ZNF346: variants seen among roughly 807,000 people sequenced by gnomAD.
ZNF346 encodes the protein double-stranded RNA-binding zinc finger protein JAZ.
In ZNF346, 23 loss-of-function variants were observed where a neutral mutation model predicts 33.7. The observed-to-expected ratio is 0.68, with a 90% CI of 0.49 to 0.97. The LOEUF (loss-of-function observed/expected upper bound fraction) is 0.97. Ranked by LOEUF, ZNF346 falls within the 50% of genes least tolerant of loss-of-function variation. The probability of loss-of-function intolerance (pLI) is 0.00; values close to 1 mark genes in which losing one functional copy is unlikely to be tolerated. For synonymous variants in ZNF346, 134 were observed against 142.4 expected (o/e 0.94, Z 0.42); for missense variants, 340 against 371.1 (o/e 0.92, Z 0.69).
intron 5 of ZNF346, among the ~76,000 whole-genome samples, chr5:177,054,109 T>C (rs1781351857): frequency 1.3e-5 from 2 of 151,816 alleles, no homozygotes; most frequent in African/African-American, 4.8e-5. Flanking sequence ...GGGTCTTCTC[T>C]GTCACACAGG....
exon 9 of ZNF346, chr5:177,079,730 C>T (rs6896535): frequency 0.13 from 19,546 of 152,236 alleles, 2,951 homozygotes; most frequent in African/African-American, 0.37. Flanking sequence ...GTTTACTTCC[C>T]GCTTCCCTGG....
chr5:177,074,249 A>G (rs1200545743), intron 8 of ZNF346, among the ~76,000 whole-genome samples: 3 of 152,332 alleles, frequency 2.0e-5, no homozygotes, highest in East Asian at 3.9e-4. Flanking sequence ...CCTTCTTCCT[A>G]TAATAAGCTT....
At chr5:177,039,975 TC>T (rs1400130052) in intron 1 of ZNF346, among the ~76,000 whole-genome samples, 1 of 151,834 alleles carries the variant, frequency 6.6e-6, no homozygotes, top group Non-Finnish European at 1.5e-5. Context: ...GGTCAGGAGA[TC>T]GAGACCATCC....
chr5:177,023,332 CCA>C (rs1776168373), intron 1 of ZNF346: 1 of 899,862 alleles, frequency 1.1e-6, no homozygotes, highest in South Asian at 1.4e-5. Flanking sequence ...CTCTCAAGCC[CCA>C]CACTTCCGAG....
At chr5:177,076,562 A>G (rs244715) in intron 8 of ZNF346, among the ~76,000 whole-genome samples, 88,864 of 151,842 alleles carry the variant, frequency 0.59, 26,357 homozygotes, top group Admixed American at 0.66. Context: ...CCTTTACCCC[A>G]ACGTTTCCTC....
intron 5 of ZNF346, among the ~76,000 whole-genome samples, chr5:177,054,693 C>T (rs1781435093): frequency 6.6e-6 from 1 of 152,176 alleles, no homozygotes; most frequent in Admixed American, 6.5e-5. Flanking sequence ...GCCCCCGTGC[C>T]TGGCCGGCAT....
chr5:177,054,688 C>T (rs1005148211), intron 5 of ZNF346, among the ~76,000 whole-genome samples: 10 of 152,108 alleles, frequency 6.6e-5, no homozygotes, highest in East Asian at 3.9e-4. Context: ...CGTGAGCCCC[C>T]GTGCCTGGCC....
At chr5:177,025,310 T>A (rs944280257) in intron 1 of ZNF346, among the ~76,000 whole-genome samples, 9 of 152,200 alleles carry the variant, frequency 5.9e-5, no homozygotes, top group Non-Finnish European at 1.2e-4. Flanking sequence ...CATTCATTAG[T>A]TCTAGACATT....
Position 177,067,736 on chromosome 5 carries a change from A to G in ZNF346, c.*3137A>G, listed in dbSNP as rs1199173700. Among the ~76,000 whole-genome samples the G allele has an allele frequency of 6.6e-6, 1 of 152,230 alleles. No homozygotes were observed. Among genetic ancestry groups the G allele is most frequent in the Non-Finnish European group, 1.5e-5 (1 of 68,046 alleles). ...TGCAGGAGCTGACTCAGCCAAGGGC[A>G]TGAAAAAGCTGGAGAGGTTGGAAAG... On this transcript the variant is annotated 3_prime_UTR_variant, in exon 7 of 7. Transcript: ENST00000358149.
downstream of ZNF346, among the ~76,000 whole-genome samples, chr5:177,068,789 G>A (rs1304622271): frequency 7.7e-5 from 11 of 142,708 alleles, 1 homozygote; most frequent in Non-Finnish European, 1.0e-4. Context: ...GATGCAGGGG[G>A]AGGGGGACAA....
intron 8 of ZNF346, among the ~76,000 whole-genome samples, chr5:177,076,190 T>C (rs1783737139): frequency 6.6e-6 from 1 of 152,260 alleles, no homozygotes; most frequent in Non-Finnish European, 1.5e-5. Context: ...ATACATTACA[T>C]TGCAGCTTCA....
chr5:177,073,714 G>C (rs1274204002), intron 8 of ZNF346, among the ~76,000 whole-genome samples: 8 of 150,466 alleles, frequency 5.3e-5, no homozygotes, highest in South Asian at 2.1e-4. Context: ...GCGAGTTGTG[G>C]AACACAGTTG....
chr5:177,052,709 T>C (rs984622111), intron 5 of ZNF346: 2 of 152,216 alleles, frequency 1.3e-5, no homozygotes, highest in Non-Finnish European at 2.9e-5. Context: ...GTTGTGGTTA[T>C]GTTAAGGAGA....
chr5:177,061,218 G>A (rs1177495891), intron 5 of ZNF346, among the ~76,000 whole-genome samples: 2 of 152,174 alleles, frequency 1.3e-5, no homozygotes, highest in South Asian at 2.1e-4. Context: ...AGGCCTAGAC[G>A]GATGGATCAT....
intron 5 of ZNF346, among the ~76,000 whole-genome samples, chr5:177,055,164 G>A (rs1562017729): frequency 6.6e-6 from 1 of 151,438 alleles, no homozygotes; most frequent in African/African-American, 2.4e-5. Flanking sequence ...CTCCTGAGTA[G>A]CTGGGATTAT....
chr5:177,028,460 A>T (rs1777139841), intron 1 of ZNF346, among the ~76,000 whole-genome samples: 1 of 134,502 alleles, frequency 7.4e-6, no homozygotes, highest in Non-Finnish European at 1.6e-5. Flanking sequence ...TAGATGTTTA[A>T]AATTATAAAT....
intron 5 of ZNF346, among the ~76,000 whole-genome samples, chr5:177,061,752 A>C (rs1209641047): frequency 1.3e-5 from 2 of 152,216 alleles, no homozygotes; most frequent in Non-Finnish European, 2.9e-5. Context: ...GTCAAGGTAG[A>C]AATACAGACC....
intron 1 of ZNF346, among the ~76,000 whole-genome samples, chr5:177,026,886 G>A (rs192030673): frequency 5.8e-4 from 88 of 152,242 alleles, no homozygotes; most frequent in African/African-American, 2.0e-3. Context: ...AGGATATAGC[G>A]TCAGGTAGGG....
Position 177,022,742 on chromosome 5 carries a change from G to C in ZNF346, c.4G>C (p.Glu2Gln). The change falls in exon 1 of 7, where the codon GAG becomes CAG. Residue 2 changes from glutamate to glutamine, a missense_variant. By Grantham distance (29) the Glu-to-Gln change is conservative. Coordinates refer to ENST00000358149, the MANE Select transcript of ZNF346 (RefSeq NM_012279.4). MEYPAPATVQAA... is the reference protein window; with the variant it reads MQYPAPATVQAA... ...CCGGTGAGGGTTTGCGGGGAAGATG[G>C]AGTATCCCGCGCCGGCCACGGTGCA... 5.2e-6 allele frequency: 8 copies of C among 1,552,940 alleles called. No homozygotes were observed. The highest frequency in any genetic ancestry group is 1.2e-5 in the South Asian group (1 of 84,674).
Sources: gnomAD v4.1 joint callset for allele counts (sites outside exome capture counted in the v4.1 genomes callset) on GRCh38, gnomAD v4.1.1 for gene constraint, MANE v1.5 for transcripts, NCBI Gene and HGNC (gene_info 2026-07-23, HGNC 2026-07-21) for gene names.